The following PCDHA9 variants were observed in gnomAD, a reference collection of about 807,000 sequenced individuals.
The protein encoded by PCDHA9 is protocadherin alpha-9.
A neutral mutation model predicts 62.0 loss-of-function variants in PCDHA9; 62 were observed. The observed-to-expected ratio is 1.00, with a 90% CI of 0.81 to 1.23. The LOEUF is 1.23. Ranked by LOEUF, PCDHA9 falls within the 50% of genes most tolerant of loss-of-function variation. PCDHA9 has a pLI of 0.00. For synonymous variants in PCDHA9, 557 were observed against 567.6 expected, an observed-to-expected ratio of 0.98 and a Z score of 0.27; for missense variants, 1,205 against 1,249.8, an observed-to-expected ratio of 0.96 and a Z score of 0.54.
At chr5:140,914,501 C>T (rs1231907689) in intron 1 of PCDHA9, among the ~76,000 whole-genome samples, 1 of 152,084 alleles carries the variant, frequency 6.6e-6, no homozygotes, top group African/African-American at 2.4e-5. Context: ...GGCAACAGAT[C>T]ATTGGGTCAT....
chr5:141,007,671 A>G (rs1161141271), intron 3 of PCDHA9, among the ~76,000 whole-genome samples: 1 of 152,184 alleles, frequency 6.6e-6, no homozygotes, highest in African/African-American at 2.4e-5. Context: ...TTACAAAGAC[A>G]AAAGTTATCC....
chr5:141,009,132 G>GA (rs1172401436), intron 3 of PCDHA9, among the ~76,000 whole-genome samples: 11 of 152,202 alleles, frequency 7.2e-5, no homozygotes, highest in African/African-American at 2.4e-4. Flanking sequence ...GTATCCTGGT[G>GA]AAAAAACCTG....
intron 1 of PCDHA9, among the ~76,000 whole-genome samples, chr5:140,878,324 A>C (rs1298317950): frequency 4.6e-5 from 7 of 152,210 alleles, no homozygotes; most frequent in Admixed American, 1.3e-4. Context: ...TTTTCACATT[A>C]TATTCCAGGT....
chr5:140,883,826 C>G, intron 1 of PCDHA9: 1 of 1,612,622 alleles, frequency 6.2e-7, no homozygotes, highest in South Asian at 1.1e-5. Context: ...GGTGTACGCG[C>G]TGCAGCCGTT....
At chr5:140,936,628 T>C (rs1208761817) in intron 1 of PCDHA9, among the ~76,000 whole-genome samples, 5 of 152,258 alleles carry the variant, frequency 3.3e-5, no homozygotes, top group Non-Finnish European at 7.3e-5. Flanking sequence ...GTGCTACCTT[T>C]GTCATAAGCA....
chr5:140,901,356 T>C (rs1554189806), intron 1 of PCDHA9, among the ~76,000 whole-genome samples: 1 of 152,232 alleles, frequency 6.6e-6, no homozygotes, highest in Non-Finnish European at 1.5e-5. Context: ...GTCTTAGATT[T>C]AAGTCTTTAA....
intron 1 of PCDHA9, among the ~76,000 whole-genome samples, chr5:140,963,839 G>A (rs566875036): frequency 1.3e-5 from 2 of 152,290 alleles, no homozygotes; most frequent in African/African-American, 2.4e-5. Flanking sequence ...ATTTTCTCAT[G>A]TAATCATAAT....
At position 140,876,037 on chromosome 5, in the gene PCDHA9, A is replaced by G. The variant is rs1554168212; in HGVS notation, c.2394+25148A>G. On this transcript the variant is annotated intron_variant, in intron 1 of 3. Transcript: ENST00000532602. ...TAAAATAAAAACAAAAAAAGATAAA[A>G]GTATATTGCCTGAATTAGTTCTTCG... is the stretch of plus-strand genomic sequence containing the variant. 1.9e-6 allele frequency: 3 copies of G among 1,613,766 alleles called. No homozygotes were observed. Among genetic ancestry groups the G allele is most frequent in the South Asian group, 2.2e-5 (2 of 91,050 alleles).
At chr5:141,006,894 A>G (rs781832084) in intron 3 of PCDHA9, among the ~76,000 whole-genome samples, 6 of 152,212 alleles carry the variant, frequency 3.9e-5, no homozygotes, top group African/African-American at 7.2e-5. Context: ...TTGATTTCAG[A>G]TTTCTTCAGT....
chr5:140,925,208 T>C (rs1201764361), intron 1 of PCDHA9, among the ~76,000 whole-genome samples: 2 of 152,190 alleles, frequency 1.3e-5, no homozygotes, highest in African/African-American at 4.8e-5. Context: ...TAATTATCGA[T>C]ACTTTTAGGC....
At chr5:140,961,458 G>A (rs1371131275) in intron 1 of PCDHA9, among the ~76,000 whole-genome samples, 2 of 152,150 alleles carry the variant, frequency 1.3e-5, no homozygotes, top group Non-Finnish European at 2.9e-5. Context: ...TCTTGCAGCT[G>A]CCTTTCTTTT....
intron 1 of PCDHA9, among the ~76,000 whole-genome samples, chr5:140,913,389 C>T (rs1427012396): frequency 6.6e-6 from 1 of 152,122 alleles, no homozygotes; most frequent in Admixed American, 6.5e-5. Flanking sequence ...CTCATCATAG[C>T]CACTAATGAT....
Position 140,850,803 on chromosome 5 carries a change from A to G in PCDHA9, c.2308A>G (p.Met770Val). Residue 770 changes from methionine (M) to valine (V), a missense_variant, in exon 1 of 4, where the codon ATG becomes GTG. Physicochemically the swap from Met to Val is conservative, Grantham distance 21. Transcript: ENST00000532602. ...SGEGKQKTDL[M>V]AFSPGLSPCA... ...CGAGGGTAAGCAGAAGACCGACCTCATGGCCTTCAGCCCGGGCCTTTCTCC... is the reference window on the plus strand; with the variant it reads ...CGAGGGTAAGCAGAAGACCGACCTCGTGGCCTTCAGCCCGGGCCTTTCTCC... 4 of 1,598,380 alleles carry G rather than the reference A, an allele frequency of 2.5e-6. No individual in the cohort carries two copies. The highest frequency in any genetic ancestry group is 3.4e-6 in the Non-Finnish European group (4 of 1,167,760).
At chr5:140,994,726 G>A (rs774837274) in intron 3 of PCDHA9, among the ~76,000 whole-genome samples, 1 of 151,958 alleles carries the variant, frequency 6.6e-6, no homozygotes, top group Non-Finnish European at 1.5e-5. Flanking sequence ...TAAAATACTG[G>A]GTATTGCAGG....
chr5:140,951,703 C>T (rs1000873823), intron 1 of PCDHA9, among the ~76,000 whole-genome samples: 3 of 152,110 alleles, frequency 2.0e-5, no homozygotes, highest in Non-Finnish European at 2.9e-5. Context: ...GAGCTTTGGG[C>T]GGGGACACAG....
At chr5:140,920,794 A>G (rs1433275588) in intron 1 of PCDHA9, among the ~76,000 whole-genome samples, 2 of 151,776 alleles carry the variant, frequency 1.3e-5, no homozygotes, top group Admixed American at 6.6e-5. Flanking sequence ...CAGGGAACCA[A>G]GATCACGCCA....
intron 3 of PCDHA9, among the ~76,000 whole-genome samples, chr5:141,000,413 A>AT (rs2097920175): frequency 1.1e-5 from 1 of 93,256 alleles, no homozygotes; most frequent in African/African-American, 4.5e-5. Context: ...ATATATATAT[A>AT]TATATATATT....
At chr5:140,882,039 TGA>T (rs781834736) in intron 1 of PCDHA9, 12 of 658,206 alleles carry the variant, frequency 1.8e-5, no homozygotes, top group Non-Finnish European at 2.9e-5. Flanking sequence ...ATATGAAGAC[TGA>T]GTCATACTTA....
chr5:140,858,013 G>T, intron 1 of PCDHA9: 1 of 1,596,968 alleles, frequency 6.3e-7, no homozygotes, highest in Middle Eastern at 1.7e-4. Context: ...ACCATGGCGA[G>T]CCGTCGCTGA....
Sources: allele counts gnomAD v4.1 joint callset (sites outside exome capture counted in the v4.1 genomes callset), GRCh38; gene constraint gnomAD v4.1.1; transcripts MANE v1.5; gene names NCBI Gene and HGNC (gene_info 2026-07-23, HGNC 2026-07-21).